PDXP: variants seen among roughly 807,000 people sequenced by gnomAD.
PDXP encodes pyridoxal phosphatase.
In PDXP, 15 loss-of-function variants were observed where a neutral mutation model predicts 14.4. The ratio of observed to expected loss-of-function variants is 1.04; its 90% CI spans 0.70 to 1.60. The LOEUF is 1.60. Among genes scored for constraint, PDXP ranks in the 40% most tolerant of loss-of-function variants. The pLI is 0.00. For synonymous variants in PDXP, 233 were observed against 205.6 expected (o/e 1.13, Z -1.14); for missense variants, 413 against 427.6 (o/e 0.97, Z 0.30).
At chr22:37,659,441 G>T (rs1214080816) in intron 1 of PDXP, 85 bp downstream of exon 1, 7 of 1,059,820 alleles carry the variant, frequency 6.6e-6, no homozygotes, top group Non-Finnish European at 8.5e-6. Flanking sequence ...CGGGGAAGAG[G>T]CGTCTCCAGG....
At position 37,659,337 on chromosome 22, in the gene PDXP, C is replaced by T; in HGVS notation, c.555C>T (p.Ser185=). The change falls in exon 1 of 2, where the codon AGC becomes AGT. Residue 185 remains serine, a synonymous_variant. Transcript: ENST00000215904. ...ATDRDPWHPL[S]DGSRTPGTGS... is the part of the protein sequence containing the mutation. The stretch of plus-strand genomic sequence containing the variant: ...ACCGTGACCCATGGCACCCGCTGAG[C>T]GACGGCAGCCGGACCCCTGGTGAGC... 1 of 1,300,812 alleles carries T rather than the reference C, an allele frequency of 7.7e-7. No individual in the cohort carries two copies. The highest frequency in any genetic ancestry group is 9.8e-7 in the Non-Finnish European group (1 of 1,022,426). 80.6% of individuals were successfully genotyped at this position (1,300,812 alleles called of 1,614,324 possible).
chr22:37,659,874 G>A (rs1376537485), intron 1 of PDXP, among the ~76,000 whole-genome samples: 2 of 152,200 alleles, frequency 1.3e-5, no homozygotes, highest in East Asian at 3.8e-4. Context: ...ATCAGGGTGA[G>A]TGCCTGGCAC....
At chr22:37,659,887 A>G (rs1601595367) in intron 1 of PDXP, among the ~76,000 whole-genome samples, 1 of 152,198 alleles carries the variant, frequency 6.6e-6, no homozygotes, top group Admixed American at 6.5e-5. Flanking sequence ...CCTGGCACAT[A>G]GTAGGTGTTC....
In PDXP at chr22:37,665,804, A is replaced by G; in HGVS notation, c.824A>G (p.Gln275Arg). 6.2e-7 allele frequency: 1 copy of G among 1,614,082 alleles called. No homozygotes were observed. The highest frequency in any genetic ancestry group is 8.5e-7 in the Non-Finnish European group (1 of 1,180,044). ...GCCCAGGCCTACCTAGCGGCCGGCC[A>G]GCACGACCTCGTGCCCCATTACTAT... ...EEAQAYLAAG[Q>R]HDLVPHYYVE... The change falls in exon 2 of 2, where the codon CAG becomes CGG. Residue 275 changes from glutamine to arginine, a missense_variant. By Grantham distance (43) the Gln-to-Arg change is conservative. Coordinates refer to ENST00000215904, the MANE Select transcript of PDXP (RefSeq NM_020315.5).
chr22:37,663,719 C>T (rs1462645524), intron 1 of PDXP, among the ~76,000 whole-genome samples: 2 of 151,848 alleles, frequency 1.3e-5, no homozygotes, highest in Non-Finnish European at 2.9e-5. Flanking sequence ...AACCCTCCAC[C>T]GTGGAGGGGC....
chr22:37,662,159 T>C (rs978329828), intron 1 of PDXP, among the ~76,000 whole-genome samples: 1 of 151,892 alleles, frequency 6.6e-6, no homozygotes, highest in Non-Finnish European at 1.5e-5. Flanking sequence ...AGATGTCAGA[T>C]GAGGGGAGAA....
At chr22:37,663,694 C>T (rs1207605983) in intron 1 of PDXP, among the ~76,000 whole-genome samples, 1 of 152,036 alleles carries the variant, frequency 6.6e-6, no homozygotes, top group Non-Finnish European at 1.5e-5. Context: ...CTGCCACCTG[C>T]TTTTGTCTGA....
In PDXP at chr22:37,665,918, T is replaced by C; in HGVS notation, c.*47T>C. 1 of 1,555,924 alleles carries C rather than the reference T, an allele frequency of 6.4e-7. No homozygotes were observed. Among genetic ancestry groups the C allele is most frequent in the Non-Finnish European group, 8.8e-7 (1 of 1,136,030 alleles). ...AGGCCCACCCCTCCCCACTCCCTGA[T>C]CCCGTAGGTGGAGGCGATGGGTCAC... is the stretch of plus-strand genomic sequence containing the variant. On this transcript the variant is annotated 3_prime_UTR_variant, in exon 2 of 2. Transcript: ENST00000215904.
At chr22:37,660,040 C>T (rs1348494744) in intron 1 of PDXP, among the ~76,000 whole-genome samples, 3 of 152,082 alleles carry the variant, frequency 2.0e-5, no homozygotes, top group East Asian at 1.9e-4. Flanking sequence ...CTGAGGCAGC[C>T]GGATGCAGTG....
At chr22:37,662,700 C>T (rs1402094876) in intron 1 of PDXP, among the ~76,000 whole-genome samples, 1 of 152,168 alleles carries the variant, frequency 6.6e-6, no homozygotes, top group Non-Finnish European at 1.5e-5. Context: ...TAAACATTAT[C>T]ATTTAGGTCG....
chr22:37,665,957 CACA>C lies in PDXP; in HGVS notation c.*89_*91del, dbSNP rs1921068325. The C allele has an allele frequency of 1.5e-6, 2 of 1,362,036 alleles. No homozygotes were observed. Among genetic ancestry groups the C allele is most frequent in the Non-Finnish European group, 2.0e-6 (2 of 984,556 alleles). The allele number at this position is 1,362,036 out of a possible 1,614,324, so 84.4% of individuals were successfully genotyped here. ...GCGATGGGTCACGAGCCATGTTAAG[CACA>C]ACCGGCTCCTTGGTCCAGTTCTGCA... On this transcript the variant is annotated 3_prime_UTR_variant, in exon 2 of 2. Transcript: ENST00000215904.
Position 37,659,348 on chromosome 22 carries a change from G to T in PDXP, c.566G>T (p.Arg189Leu), listed in dbSNP as rs768435064. The change falls in exon 1 of 2, where the codon CGG (arginine) becomes CTG (leucine). Residue 189 changes from arginine (R) to leucine (L), a missense_variant. Coordinates refer to ENST00000215904, the MANE Select transcript of PDXP (RefSeq NM_020315.5). ...TGGCACCCGCTGAGCGACGGCAGCC[G>T]GACCCCTGGTGAGCGCGGGAATGGC... The part of the protein sequence containing the change: ...DPWHPLSDGS[R>L]TPGTGSLAAA... 76 of 1,299,928 alleles carry T rather than the reference G, an allele frequency of 5.8e-5. 1 individual carries two copies. The highest frequency in any genetic ancestry group is 7.4e-5 in the Non-Finnish European group (76 of 1,022,160). 80.5% of individuals were successfully genotyped at this position (1,299,928 alleles called of 1,614,324 possible).
rs1332047179 is a variant in PDXP, at chr22:37,665,231, C to T, written c.575-324C>T. ...CTCAGGCAGGACTGACCGAGCCAGG[C>T]CCTGTTTACCTGCAGTAGCTCCACG... On this transcript the variant is annotated intron_variant, in intron 1 of 1. Transcript: ENST00000215904. 7.2e-6 allele frequency: 3 copies of T among 417,136 alleles called. No individual in the cohort carries two copies. The East Asian group carries it at 1.3e-4, about 18-fold the overall frequency. 25.8% of individuals were successfully genotyped at this position (417,136 alleles called of 1,614,324 possible).
intron 1 of PDXP, among the ~76,000 whole-genome samples, chr22:37,662,974 C>T (rs182420894): frequency 1.3e-5 from 2 of 150,028 alleles, no homozygotes; most frequent in East Asian, 2.0e-4. Context: ...GGTGACAGAG[C>T]GAGACTCCAT....
Position 37,665,755 on chromosome 22 carries a change from A to T in PDXP, c.775A>T (p.Thr259Ser). 6.2e-7 allele frequency: 1 copy of T among 1,614,130 alleles called. No individual in the cohort carries two copies. ...CGGCATGACCACTGTGCTCACGCTC[A>T]CAGGAGTCTCCCGCCTAGAAGAGGC... ...RCGMTTVLTL[T>S]GVSRLEEAQA... The change falls in exon 2 of 2, where the codon ACA (threonine) becomes TCA (serine). Residue 259 changes from threonine to serine, a missense_variant. Physicochemically the swap from Thr to Ser is moderately conservative, Grantham distance 58. Transcript: ENST00000215904.
Position 37,658,958 on chromosome 22 carries a change from A to G in PDXP, c.176A>G (p.Asn59Ser), listed in dbSNP as rs1933139882. Residue 59 changes from asparagine to serine, a missense_variant, in exon 1 of 2, where the codon AAC (asparagine) becomes AGC (serine). Physicochemically the swap from Asn to Ser is conservative, Grantham distance 46. Transcript: ENST00000215904. Reference protein sequence around the residue: ...RAGKAALFVSNNSRRARPELA... With the variant: ...RAGKAALFVSSNSRRARPELA... ...GGCAAGGCGGCTCTGTTTGTGAGCAACAACAGCCGGCGCGCGCGGCCCGAG... is the reference window on the plus strand; with the variant it reads ...GGCAAGGCGGCTCTGTTTGTGAGCAGCAACAGCCGGCGCGCGCGGCCCGAG... 9.1e-6 allele frequency: 11 copies of G among 1,209,464 alleles called. No individual in the cohort carries two copies. Among genetic ancestry groups the G allele is most frequent in the Non-Finnish European group, 1.1e-5 (11 of 971,466 alleles). 74.9% of individuals were successfully genotyped at this position (1,209,464 alleles called of 1,614,324 possible). A position where few individuals can be genotyped will look rare whatever the true frequency, so the allele number is the denominator to read the frequency against.
chr22:37,658,815 C>A lies in PDXP; in HGVS notation c.33C>A (p.Ala11=). 8.4e-7 allele frequency: 1 copy of A among 1,183,772 alleles called. No individual in the cohort carries two copies. Among genetic ancestry groups the A allele is most frequent in the East Asian group, 3.6e-5 (1 of 27,454 alleles). The allele number at this position is 1,183,772 out of a possible 1,614,324, so 73.3% of individuals were successfully genotyped here. A position where few individuals can be genotyped will look rare whatever the true frequency, so the allele number is the denominator to read the frequency against. Residue 11 remains alanine (A), a synonymous_variant, in exon 1 of 2, where the codon GCC becomes GCA. Coordinates refer to ENST00000215904, the MANE Select transcript of PDXP (RefSeq NM_020315.5). MARCERLRGA[A]LRDVLGRAQG... ...GCTGCGAGAGGCTGCGCGGAGCGGC[C>A]CTGCGCGACGTGCTGGGCCGGGCGC...
Position 37,659,288 on chromosome 22 carries a change from C to T in PDXP, c.506C>T (p.Pro169Leu), listed in dbSNP as rs937373937. 1.5e-6 allele frequency: 2 copies of T among 1,314,662 alleles called. No homozygotes were observed. Among genetic ancestry groups the T allele is most frequent in the African/African-American group, 1.5e-5 (1 of 66,534 alleles). 81.4% of individuals were successfully genotyped at this position (1,314,662 alleles called of 1,614,324 possible). A position where few individuals can be genotyped will look rare whatever the true frequency, so the allele number is the denominator to read the frequency against. Residue 169 changes from proline (P) to leucine (L), a missense_variant, in exon 1 of 2, where the codon CCC becomes CTC. Transcript: ENST00000215904. ...LREACAHLRD[P>L]ECLLVATDRD... ...GAGGCGTGCGCGCACCTGCGCGACC[C>T]CGAGTGCCTACTCGTGGCCACCGAC...
At chr22:37,662,299 C>T (rs774202660) in intron 1 of PDXP, among the ~76,000 whole-genome samples, 1 of 152,070 alleles carries the variant, frequency 6.6e-6, no homozygotes, top group African/African-American at 2.4e-5. Context: ...TTGCTCTCCC[C>T]GCCTGTTTTC....
Sources: allele counts gnomAD v4.1 joint callset (sites outside exome capture counted in the v4.1 genomes callset), GRCh38; gene constraint gnomAD v4.1.1; transcripts MANE v1.5; gene names NCBI Gene and HGNC (gene_info 2026-07-23, HGNC 2026-07-21).